INTS9: variants seen among roughly 807,000 people sequenced by gnomAD.
INTS9 encodes the protein protein related to CPSF subunits of 74 kDa.
INTS9 carries 55 observed loss-of-function variants against 79.7 expected under a neutral mutation model. The ratio of observed to expected loss-of-function variants is 0.69; its 90% CI spans 0.56 to 0.86. The LOEUF (loss-of-function observed/expected upper bound fraction) is 0.86. INTS9 is among the 40% of genes least tolerant of loss of function. The pLI is 0.00. For synonymous variants in INTS9, 319 were observed against 325.2 expected (o/e 0.98, Z 0.20); for missense variants, 721 against 831.5 (o/e 0.87, Z 1.64).
Position 28,793,897 on chromosome 8 carries a change from A to T in INTS9, c.947T>A (p.Ile316Asn). Residue 316 changes from isoleucine to asparagine, a missense_variant, in exon 10 of 17, where the codon ATC becomes AAC. Transcript: ENST00000521022. ...GACGCTGGAAAGCCCGGCTGAGTCG[A>T]TGTACTGATATAGGCACTCCAGGAG... ...YDLLECLYQY[I>N]DSAGLSSVPL... is the part of the protein sequence containing the mutation. The T allele has an allele frequency of 6.2e-7, 1 of 1,614,096 alleles. No homozygotes were observed. Among genetic ancestry groups the T allele is most frequent in the Non-Finnish European group, 8.5e-7 (1 of 1,179,992 alleles).
intron 6 of INTS9, among the ~76,000 whole-genome samples, chr8:28,827,309 C>CT (rs1228031934): frequency 6.6e-6 from 1 of 152,188 alleles, no homozygotes; most frequent in Admixed American, 6.5e-5. Flanking sequence ...TGCCAAAGCT[C>CT]TGCGGCCTCT....
chr8:28,780,899 A>T lies in INTS9; in HGVS notation c.1194T>A (p.Pro398=). ...RQPCVVFTGH[P]SLRFGDVVHF... is the part of the protein sequence containing the mutation. ...GGACCACGTCCCCGAAGCGGAGGGA[A>T]GGGTGCCCGGTGAACACCACACAGG... The change falls in exon 12 of 17, where the codon CCT becomes CCA. Residue 398 remains proline (P), a synonymous_variant. Coordinates refer to ENST00000521022, the MANE Select transcript of INTS9 (RefSeq NM_018250.4). 6.2e-7 allele frequency: 1 copy of T among 1,614,196 alleles called. No individual in the cohort carries two copies. The highest frequency in any genetic ancestry group is 8.5e-7 in the Non-Finnish European group (1 of 1,180,040).
chr8:28,815,399 T>C (rs1216692804), intron 6 of INTS9, among the ~76,000 whole-genome samples: 2 of 152,002 alleles, frequency 1.3e-5, no homozygotes, highest in African/African-American at 4.8e-5. Context: ...GAATTAGAAA[T>C]AAAAGAAAAC....
At chr8:28,813,005 C>T (rs1041475717) in intron 7 of INTS9, among the ~76,000 whole-genome samples, 1 of 152,208 alleles carries the variant, frequency 6.6e-6, no homozygotes, top group African/African-American at 2.4e-5. Context: ...AAGGTTCACA[C>T]ATTAAAAGGG....
intron 1 of INTS9, among the ~76,000 whole-genome samples, chr8:28,879,455 A>G (rs180881896): frequency 6.6e-6 from 1 of 152,320 alleles, no homozygotes; most frequent in East Asian, 1.9e-4. Flanking sequence ...CGTACAGTTC[A>G]CATCATATTT....
intron 6 of INTS9, among the ~76,000 whole-genome samples, chr8:28,831,657 T>C (rs377673338): frequency 2.0e-5 from 3 of 152,254 alleles, no homozygotes; most frequent in South Asian, 4.1e-4. Flanking sequence ...GAAATAAGGA[T>C]TTGGGGCTTC....
chr8:28,782,437 A>T (rs1445235072), intron 11 of INTS9, among the ~76,000 whole-genome samples: 1 of 152,278 alleles, frequency 6.6e-6, no homozygotes, highest in East Asian at 1.9e-4. Context: ...CAACTGAATA[A>T]GGACCAAGAC....
intron 2 of INTS9, among the ~76,000 whole-genome samples, chr8:28,858,126 C>G (rs1205884467): frequency 3.3e-5 from 5 of 152,160 alleles, no homozygotes; most frequent in African/African-American, 1.2e-4. Flanking sequence ...GTTCTCATCA[C>G]CCAGGAAATT....
At chr8:28,841,236 T>G (rs370598489) in intron 4 of INTS9, among the ~76,000 whole-genome samples, 10 of 152,340 alleles carry the variant, frequency 6.6e-5, no homozygotes, top group African/African-American at 2.4e-4. Context: ...TGCAAGACAG[T>G]GTCCTCCTCA....
intron 1 of INTS9, among the ~76,000 whole-genome samples, chr8:28,878,978 C>A (rs77442336): frequency 3.5e-5 from 5 of 143,450 alleles, no homozygotes; most frequent in African/African-American, 5.1e-5. Flanking sequence ...GACTTCGTCT[C>A]AAAAAAAAAA....
At chr8:28,769,309 C>A (rs1176568812) in intron 16 of INTS9, among the ~76,000 whole-genome samples, 2 of 152,128 alleles carry the variant, frequency 1.3e-5, no homozygotes, top group African/African-American at 4.8e-5. Flanking sequence ...ATTCCTTCTT[C>A]CTATCAAAGA....
intron 6 of INTS9, among the ~76,000 whole-genome samples, chr8:28,820,294 T>C: frequency 6.6e-6 from 1 of 152,246 alleles, no homozygotes; most frequent in Admixed American, 6.5e-5. Flanking sequence ...CTGGTACCAG[T>C]TGTTCCTTTC....
chr8:28,810,857 A>G (rs1176195158), intron 8 of INTS9, among the ~76,000 whole-genome samples: 2 of 152,172 alleles, frequency 1.3e-5, no homozygotes, highest in Non-Finnish European at 2.9e-5. Context: ...TGGAATGAAT[A>G]ACTTAAAACG....
At chr8:28,787,633 G>A (rs1473841829) in intron 11 of INTS9, among the ~76,000 whole-genome samples, 196 bp downstream of exon 11, 5 of 152,170 alleles carry the variant, frequency 3.3e-5, no homozygotes, top group South Asian at 2.1e-4. Context: ...GCTGCTCCAC[G>A]TGCGCAATAG....
intron 1 of INTS9, among the ~76,000 whole-genome samples, chr8:28,865,127 T>C (rs544993572): frequency 2.0e-5 from 3 of 152,168 alleles, no homozygotes; most frequent in African/African-American, 7.2e-5. Context: ...AATCATATTA[T>C]TGAAAAATAT....
chr8:28,852,642 C>G (rs924773425), intron 2 of INTS9, among the ~76,000 whole-genome samples: 2 of 152,208 alleles, frequency 1.3e-5, no homozygotes, highest in East Asian at 1.9e-4. Flanking sequence ...CGTTCCCCAT[C>G]AGACCCACAC....
chr8:28,841,273 T>C (rs559461775), intron 4 of INTS9, among the ~76,000 whole-genome samples: 3 of 152,300 alleles, frequency 2.0e-5, no homozygotes, highest in Admixed American at 6.5e-5. Flanking sequence ...TGTTTGCTGG[T>C]CCTACTCTCC....
intron 1 of INTS9, among the ~76,000 whole-genome samples, chr8:28,880,105 C>A (rs1809620822): frequency 6.6e-6 from 1 of 151,770 alleles, no homozygotes; most frequent in Non-Finnish European, 1.5e-5. Flanking sequence ...CATATTAAAA[C>A]TACTGCTTTT....
At chr8:28,869,892 C>G (rs1304765096) in intron 1 of INTS9, among the ~76,000 whole-genome samples, 1 of 151,948 alleles carries the variant, frequency 6.6e-6, no homozygotes, top group East Asian at 1.9e-4. Flanking sequence ...TAGGGCTGCT[C>G]CCTCACACTC....
Sources: gnomAD v4.1 joint callset for allele counts (sites outside exome capture counted in the v4.1 genomes callset) on GRCh38, gnomAD v4.1.1 for gene constraint, MANE v1.5 for transcripts, NCBI Gene and HGNC (gene_info 2026-07-23, HGNC 2026-07-21) for gene names.